Variants in KCNH5 observed in about 807,000 individuals in gnomAD.
The protein encoded by KCNH5 is potassium voltage-gated channel subfamily H member 5, also known as voltage-gated delayed rectifier potassium channel KCNH5.
KCNH5 carries 46 observed loss-of-function variants against 96.1 expected under a neutral mutation model. That is an observed-to-expected ratio of 0.48 (90% CI 0.38 to 0.61). The LOEUF (loss-of-function observed/expected upper bound fraction) is 0.61. Among genes scored for constraint, KCNH5 ranks in the 20% least tolerant of loss-of-function variants. The pLI, the probability that KCNH5 is intolerant of heterozygous loss-of-function variation, is 0.00. For missense variants in KCNH5, 907 were observed against 1,225.8 expected (o/e 0.74, Z 3.88); for synonymous variants, 439 against 449.8 (o/e 0.98, Z 0.30).
At chr14:62,764,176 CA>C (rs1188388290) in intron 10 of KCNH5, among the ~76,000 whole-genome samples, 11 of 152,274 alleles carry the variant, frequency 7.2e-5, no homozygotes, top group African/African-American at 2.6e-4. Flanking sequence ...GCTAATCCAT[CA>C]CAATCAAGCC....
At chr14:62,955,580 G>A (rs1028512726) in intron 6 of KCNH5, among the ~76,000 whole-genome samples, 6 of 152,132 alleles carry the variant, frequency 3.9e-5, no homozygotes, top group Admixed American at 6.6e-5. Flanking sequence ...ATTTTCCTTC[G>A]TTCATTCTGA....
intron 5 of KCNH5, among the ~76,000 whole-genome samples, chr14:62,986,198 T>C (rs918202359): frequency 1.3e-5 from 2 of 152,202 alleles, no homozygotes; most frequent in African/African-American, 4.8e-5. Flanking sequence ...AATCATTTTG[T>C]GCCTTGGATC....
chr14:62,973,846 A>T (rs555189798), intron 6 of KCNH5, among the ~76,000 whole-genome samples: 2 of 152,326 alleles, frequency 1.3e-5, no homozygotes, highest in Non-Finnish European at 2.9e-5. Context: ...ACAATTTCTA[A>T]CATGTTATTC....
intron 10 of KCNH5, among the ~76,000 whole-genome samples, chr14:62,767,002 A>C (rs528003249): frequency 2.0e-5 from 3 of 149,596 alleles, no homozygotes; most frequent in Admixed American, 6.6e-5. Context: ...ATATTTTTTA[A>C]ATGAGCAAAG....
intron 10 of KCNH5, among the ~76,000 whole-genome samples, chr14:62,770,434 G>T (rs984571706): frequency 6.6e-6 from 1 of 152,144 alleles, no homozygotes; most frequent in South Asian, 2.1e-4. Flanking sequence ...CTTACCACTG[G>T]AACATCAAAA....
intron 10 of KCNH5, among the ~76,000 whole-genome samples, chr14:62,734,958 T>C (rs1885126530): frequency 1.3e-5 from 2 of 152,196 alleles, no homozygotes; most frequent in Admixed American, 6.5e-5. Context: ...TGATATATTA[T>C]AGGACAGTGC....
At chr14:62,805,734 TA>T (rs1886753309) in intron 8 of KCNH5, among the ~76,000 whole-genome samples, 1 of 152,140 alleles carries the variant, frequency 6.6e-6, no homozygotes, top group Non-Finnish European at 1.5e-5. Flanking sequence ...TACAAACAAA[TA>T]AAATTATATT....
intron 8 of KCNH5, among the ~76,000 whole-genome samples, chr14:62,834,077 G>A (rs1887416714): frequency 6.6e-6 from 1 of 151,966 alleles, no homozygotes; most frequent in Non-Finnish European, 1.5e-5. Flanking sequence ...TTAGAAGACT[G>A]CAAGGCAGTT....
chr14:62,781,565 G>C (rs932483294), intron 9 of KCNH5, among the ~76,000 whole-genome samples: 6 of 152,194 alleles, frequency 3.9e-5, no homozygotes, highest in African/African-American at 1.4e-4. Context: ...GCAGTTTAGA[G>C]ACCTACCGCC....
At chr14:62,955,007 G>C (rs1026380709) in intron 6 of KCNH5, among the ~76,000 whole-genome samples, 4 of 151,902 alleles carry the variant, frequency 2.6e-5, no homozygotes, top group African/African-American at 9.7e-5. Context: ...GATGAGATTT[G>C]GGTGGGGAAA....
chr14:62,779,640 A>C (rs1886166636), intron 10 of KCNH5, 88 bp downstream of exon 10: 1 of 1,113,766 alleles, frequency 9.0e-7, no homozygotes, highest in South Asian at 2.4e-5. Flanking sequence ...GCTGCAAAAC[A>C]AAATATCTTC....
intron 7 of KCNH5, among the ~76,000 whole-genome samples, chr14:62,887,109 T>G (rs1888613186): frequency 6.6e-6 from 1 of 152,198 alleles, no homozygotes; most frequent in South Asian, 2.1e-4. Flanking sequence ...ATTATGCTAC[T>G]TACTGAAATG....
intron 8 of KCNH5, among the ~76,000 whole-genome samples, chr14:62,827,646 T>A (rs1887253863): frequency 6.6e-6 from 1 of 152,220 alleles, no homozygotes; most frequent in South Asian, 2.1e-4. Flanking sequence ...TGTTGTCAAC[T>A]TTGTCATTTT....
At chr14:63,031,080 C>A (rs1189979949) in intron 1 of KCNH5, among the ~76,000 whole-genome samples, 2 of 151,432 alleles carry the variant, frequency 1.3e-5, no homozygotes, top group Non-Finnish European at 2.9e-5. Flanking sequence ...GGAAAACAGA[C>A]CAGGAAAATT....
chr14:63,025,620 CA>C (rs367748673), intron 1 of KCNH5, among the ~76,000 whole-genome samples: 5 of 146,360 alleles, frequency 3.4e-5, no homozygotes, highest in African/African-American at 9.9e-5. Context: ...ACAATAGTAA[CA>C]AAAAAAAAAA....
intron 2 of KCNH5, 130 bp from the exon 3 acceptor site, chr14:63,006,602 G>T: frequency 1.7e-6 from 1 of 593,398 alleles, no homozygotes. Flanking sequence ...ACACAGAATA[G>T]TCAAATCATG....
Position 62,852,289 on chromosome 14 carries a change from T to C in KCNH5, c.1370-2437A>G, listed in dbSNP as rs1298809864. ...CTGAACCTGGATCTTACTTGTATTT[T>C]TGTACCCATTAACCAACTGCTCTTT... On this transcript the variant is annotated intron_variant, in intron 7 of 10. Coordinates refer to ENST00000322893, the MANE Select transcript of KCNH5 (RefSeq NM_139318.5). 2.6e-5 allele frequency among the ~76,000 whole-genome samples: 4 copies of C among 152,218 alleles called. No homozygotes were observed. The East Asian group carries it at 7.7e-4, about 29-fold the overall frequency.
chr14:62,986,107 C>T (rs755777445), intron 5 of KCNH5, among the ~76,000 whole-genome samples: 1 of 152,148 alleles, frequency 6.6e-6, no homozygotes, highest in Non-Finnish European at 1.5e-5. Flanking sequence ...GTCATGCTAA[C>T]TTACTTACTG....
intron 6 of KCNH5, among the ~76,000 whole-genome samples, chr14:62,960,556 C>A (rs1432278256): frequency 1.3e-5 from 2 of 152,036 alleles, no homozygotes; most frequent in African/African-American, 2.4e-5. Flanking sequence ...GGATAGAAAC[C>A]ACAAAACAGT....
Sources: allele counts gnomAD v4.1 joint callset (sites outside exome capture counted in the v4.1 genomes callset), GRCh38; gene constraint gnomAD v4.1.1; transcripts MANE v1.5; gene names NCBI Gene and HGNC (gene_info 2026-07-23, HGNC 2026-07-21).